The following NRXN1 variants were observed in gnomAD, a reference collection of about 807,000 sequenced individuals.
NRXN1 encodes the protein neurexin-1.
Under a neutral mutation model 150.9 loss-of-function variants are expected in NRXN1, and 39 were observed. That is an observed-to-expected ratio of 0.26 (90% CI 0.20 to 0.34). NRXN1 has a LOEUF of 0.34. Among genes scored for constraint, NRXN1 ranks in the 10% least tolerant of loss-of-function variants. NRXN1 has a pLI of 1.00. For missense variants in NRXN1, 1,815 were observed against 1,949.9 expected, an observed-to-expected ratio of 0.93 and a Z score of 1.30; for synonymous variants, 924 against 757.0, an observed-to-expected ratio of 1.22 and a Z score of -3.62.
chr2:50,581,296 TG>T (rs1235766604), intron 8 of NRXN1, among the ~76,000 whole-genome samples: 1 of 152,234 alleles, frequency 6.6e-6, no homozygotes, highest in African/African-American at 2.4e-5. Flanking sequence ...TTCAGGTTAA[TG>T]TGGCAGCACC....
At chr2:50,328,437 G>C (rs2076528860) in intron 17 of NRXN1, among the ~76,000 whole-genome samples, 1 of 151,996 alleles carries the variant, frequency 6.6e-6, no homozygotes, top group South Asian at 2.1e-4. Context: ...GCATTCTCAA[G>C]AATGAATTGG....
chr2:50,904,868 A>G (rs72823563), intron 5 of NRXN1, among the ~76,000 whole-genome samples: 13,257 of 152,140 alleles, frequency 0.087, 654 homozygotes, highest in South Asian at 0.12. Context: ...TTATTCTCCC[A>G]CAGGCACTTT....
chr2:51,001,878 G>T (rs1700123057), intron 2 of NRXN1, among the ~76,000 whole-genome samples: 1 of 151,850 alleles, frequency 6.6e-6, no homozygotes, highest in Non-Finnish European at 1.5e-5. Context: ...AAGATTTTCT[G>T]ACCTTCTCCT....
intron 12 of NRXN1, among the ~76,000 whole-genome samples, chr2:50,514,690 T>C (rs1001827776): frequency 1.5e-4 from 23 of 152,188 alleles, no homozygotes; most frequent in Non-Finnish European, 2.9e-4. Flanking sequence ...AGTGGCTGTG[T>C]TTCAGTAAAG....
chr2:50,178,181 A>G (rs2060468523), intron 18 of NRXN1, among the ~76,000 whole-genome samples: 1 of 152,092 alleles, frequency 6.6e-6, no homozygotes, highest in Non-Finnish European at 1.5e-5. Flanking sequence ...TCTAAAATCG[A>G]TATGAGCTGC....
At chr2:50,919,985 A>G in intron 5 of NRXN1, 1 of 398,660 alleles carries the variant, frequency 2.5e-6, no homozygotes, top group Non-Finnish European at 5.4e-6. Context: ...TCTGCTCTAG[A>G]ATATAGATTT....
intron 5 of NRXN1, among the ~76,000 whole-genome samples, chr2:50,668,721 G>A (rs1688418820): frequency 6.6e-6 from 1 of 151,954 alleles, no homozygotes; most frequent in Non-Finnish European, 1.5e-5. Flanking sequence ...CGCATGGATA[G>A]CATTAACAGC....
intron 17 of NRXN1, among the ~76,000 whole-genome samples, chr2:50,378,807 C>T (rs2080718691): frequency 1.3e-5 from 2 of 152,066 alleles, no homozygotes; most frequent in African/African-American, 4.8e-5. Context: ...AAACAGGTAA[C>T]TTTAAGAGGG....
chr2:50,254,807 A>AT (rs1047789570), intron 17 of NRXN1, among the ~76,000 whole-genome samples: 22 of 151,468 alleles, frequency 1.5e-4, no homozygotes, highest in African/African-American at 2.9e-4. Flanking sequence ...ATCCACATTT[A>AT]TTTTTTTTGT....
At chr2:50,299,137 A>G (rs1272281433) in intron 17 of NRXN1, among the ~76,000 whole-genome samples, 2 of 152,128 alleles carry the variant, frequency 1.3e-5, no homozygotes, top group Non-Finnish European at 2.9e-5. Flanking sequence ...TATTTTTTAT[A>G]TACAGAAGAT....
intron 5 of NRXN1, among the ~76,000 whole-genome samples, chr2:50,825,675 T>C (rs1295196842): frequency 6.6e-6 from 1 of 152,238 alleles, no homozygotes; most frequent in African/African-American, 2.4e-5. Context: ...AAGTATTAAG[T>C]GTTTCCCTGA....
At chr2:50,943,475 T>C (rs1038163140) in intron 2 of NRXN1, among the ~76,000 whole-genome samples, 18 of 152,344 alleles carry the variant, frequency 1.2e-4, no homozygotes, top group African/African-American at 4.1e-4. Flanking sequence ...TAAGAACATT[T>C]CTATTTCTCT....
At chr2:50,799,513 C>CA (rs1554089929) in intron 5 of NRXN1, among the ~76,000 whole-genome samples, 1 of 152,102 alleles carries the variant, frequency 6.6e-6, no homozygotes, top group Non-Finnish European at 1.5e-5. Context: ...TACAGTTGTT[C>CA]AGCTTAGGAT....
At chr2:50,136,605 G>A (rs1315483458) in intron 18 of NRXN1, among the ~76,000 whole-genome samples, 1 of 152,052 alleles carries the variant, frequency 6.6e-6, no homozygotes, top group Non-Finnish European at 1.5e-5. Context: ...CATGGACCCC[G>A]GGATGTATTA....
At chr2:50,432,670 A>G (rs1407857800) in intron 17 of NRXN1, among the ~76,000 whole-genome samples, 2 of 152,030 alleles carry the variant, frequency 1.3e-5, no homozygotes, top group African/African-American at 4.8e-5. Context: ...TCCCTGAACC[A>G]CTTTCCTTTC....
At position 50,424,295 on chromosome 2, in the gene NRXN1, A is replaced by AAGGAGG. The variant is rs1199844494; in HGVS notation, c.3364+41141_3364+41146dup. 2.8e-3 allele frequency among the ~76,000 whole-genome samples: 198 copies of AAGGAGG among 71,898 alleles called. 2 individuals are homozygous for AAGGAGG. Among genetic ancestry groups the AAGGAGG allele is most frequent in the East Asian group, 0.019 (24 of 1,250 alleles). 47.2% of individuals were successfully genotyped at this position (71,898 alleles called of 152,430 possible). A position where few individuals can be genotyped will look rare whatever the true frequency, so the allele number is the denominator to read the frequency against. On this transcript the variant is annotated intron_variant, in intron 17 of 22. Coordinates refer to ENST00000401669, the MANE Select transcript of NRXN1 (RefSeq NM_001330078.2). Reference sequence around the variant, plus strand: ...GGGGAAGGGGAGGGGGAGGAAGAAGAAGGAGGAGGAGGAGGGGGAGGAGGA... The same window carrying AAGGAGG: ...GGGGAAGGGGAGGGGGAGGAAGAAGAAGGAGGAGGAGGAGGAGGAGGGGGAGGAGGA...
intron 18 of NRXN1, among the ~76,000 whole-genome samples, chr2:50,229,570 G>A (rs1367678920): frequency 6.6e-6 from 1 of 151,610 alleles, no homozygotes; most frequent in Non-Finnish European, 1.5e-5. Context: ...GGATCATAAG[G>A]GTAAACATAT....
chr2:50,852,181 T>G (rs749923317), intron 5 of NRXN1, among the ~76,000 whole-genome samples: 4 of 152,150 alleles, frequency 2.6e-5, no homozygotes, highest in Non-Finnish European at 5.9e-5. Context: ...CCCAAAGGAT[T>G]TGACCAGGCA....
intron 17 of NRXN1, among the ~76,000 whole-genome samples, chr2:50,433,067 C>A (rs550444902): frequency 3.3e-5 from 5 of 152,092 alleles, no homozygotes; most frequent in Admixed American, 1.3e-4. Flanking sequence ...AAGGAAACAC[C>A]CTTCATTGCC....
Sources: allele counts gnomAD v4.1 joint callset (sites outside exome capture counted in the v4.1 genomes callset), GRCh38; gene constraint gnomAD v4.1.1; transcripts MANE v1.5; gene names NCBI Gene and HGNC (gene_info 2026-07-23, HGNC 2026-07-21).